TEP1: variants seen among roughly 807,000 people sequenced by gnomAD.
The protein encoded by TEP1 is telomerase protein component 1.
In TEP1, 241 loss-of-function variants were observed where a neutral mutation model predicts 306.3. That is an observed-to-expected ratio of 0.79 (90% CI 0.71 to 0.88). The LOEUF is 0.88. Among genes scored for constraint, TEP1 ranks in the 40% least tolerant of loss-of-function variants. The probability of loss-of-function intolerance (pLI) is 0.00; values close to 1 mark genes in which losing one functional copy is unlikely to be tolerated. For synonymous variants in TEP1, 1,289 were observed against 1,305.5 expected (o/e 0.99, Z 0.27); for missense variants, 3,051 against 3,276.1 (o/e 0.93, Z 1.68).
chr14:20,403,403 C>T lies in TEP1; in HGVS notation c.1240G>A (p.Gly414Arg). The change falls in exon 7 of 55, where the codon GGG becomes AGG. Residue 414 changes from glycine to arginine, a missense_variant. By Grantham distance (125) the Gly-to-Arg change is moderately radical. This residue lies in a region of TEP1 where 1,507 missense variants were observed against 1,550.5 expected (regional missense o/e 0.97). Coordinates refer to ENST00000262715, the MANE Select transcript of TEP1 (RefSeq NM_007110.5). ...TTTCTCTGCTCTTCTCTGAGAAACCCTATGTACCTTGGAAAACATCTGTGA... is the reference window on the plus strand; with the variant it reads ...TTTCTCTGCTCTTCTCTGAGAAACCTTATGTACCTTGGAAAACATCTGTGA... ...FSHRCFPRYI[G>R]FLREEQRKFE... 2 of 1,614,144 alleles carry T rather than the reference C, an allele frequency of 1.2e-6. No homozygotes were observed. The highest frequency in any genetic ancestry group is 1.7e-6 in the Non-Finnish European group (2 of 1,180,014).
rs1051809793 is a variant in TEP1, at chr14:20,373,272, G to A, written c.6812C>T (p.Ala2271Val). ...SVRLWQVPKE[A>V]DDTCIPRSSA... is the part of the protein sequence containing the mutation. ...GTCTCTCTCCAAGCCTCACTCACCT[G>A]CTTCCTTAGGAACCTGCCAGAGCCG... The change falls in exon 47 of 55, where the codon GCA becomes GTA. Residue 2271 changes from alanine to valine, a missense_variant and splice_region_variant. Ala to Val is a moderately conservative substitution (Grantham distance 64). Transcript: ENST00000262715. The A allele has an allele frequency of 6.2e-7, 1 of 1,613,982 alleles. No homozygotes were observed. The highest frequency in any genetic ancestry group is 1.7e-4 in the Middle Eastern group (1 of 6,060).
At chr14:20,371,681 C>T in intron 49 of TEP1, 49 bp from the exon 50 acceptor site, 1 of 1,511,566 alleles carries the variant, frequency 6.6e-7, no homozygotes, top group East Asian at 2.4e-5. Context: ...TTTAGTTAAC[C>T]TTTCTCAGGC....
intron 34 of TEP1, 83 bp from the exon 35 acceptor site, chr14:20,380,136 C>G (rs570986448): frequency 1.3e-6 from 2 of 1,580,854 alleles, no homozygotes; most frequent in South Asian, 2.4e-5. Context: ...GTGCCTGGAT[C>G]CCTCTCCAGT....
At chr14:20,384,931 G>A in intron 21 of TEP1, 54 bp downstream of exon 21, 1 of 1,612,268 alleles carries the variant, frequency 6.2e-7, no homozygotes, top group East Asian at 2.2e-5. Context: ...AGAGAAGACT[G>A]GCCTGTCTGG....
At position 20,373,750 on chromosome 14, in the gene TEP1, C is replaced by G. The variant is rs200202466; in HGVS notation, c.6532G>C (p.Val2178Leu). Residue 2178 changes from valine (V) to leucine (L), a missense_variant, in exon 45 of 55, where the codon GTG (valine) becomes CTG (leucine). Physicochemically the swap from Val to Leu is conservative, Grantham distance 32. Coordinates refer to ENST00000262715, the MANE Select transcript of TEP1 (RefSeq NM_007110.5). ...GTLKVWDHQG[V>L]ELTSIPAHSG... The stretch of plus-strand genomic sequence containing the variant: ...TGAGCAGGGATGCTGGTCAGCTCCA[C>G]GCCTTGATGGTCCCACACTTTCAAG... 1 of 1,614,192 alleles carries G rather than the reference C, an allele frequency of 6.2e-7. No homozygotes were observed. The highest frequency in any genetic ancestry group is 1.3e-5 in the African/African-American group (1 of 75,072).
Position 20,396,082 on chromosome 14 carries a change from G to A in TEP1, c.1660-133C>T, listed in dbSNP as rs991887958. 24 of 552,472 alleles carry A rather than the reference G, an allele frequency of 4.3e-5. 1 individual carries two copies. The highest frequency in any genetic ancestry group is 6.8e-5 in the Non-Finnish European group (21 of 309,918). 34.2% of individuals were successfully genotyped at this position (552,472 alleles called of 1,614,324 possible). A position where few individuals can be genotyped will look rare whatever the true frequency, so the allele number is the denominator to read the frequency against. Reference sequence around the variant, plus strand: ...ACTTAGACAAGAGATATAGAAAAGGGGTAATAAGAAGAAAGAAAAAAGTCA... The same window carrying A: ...ACTTAGACAAGAGATATAGAAAAGGAGTAATAAGAAGAAAGAAAAAAGTCA... On this transcript the variant is annotated intron_variant, in intron 10 of 54. Coordinates refer to ENST00000262715, the MANE Select transcript of TEP1 (RefSeq NM_007110.5).
rs373311646 is a variant in TEP1, at chr14:20,410,724, G to A, written c.-24-2261C>T. ...CAAAGTGCTGGGATTACAGGTGTGA[G>A]CCACTGTGCCTGGCGGACTCCTTTT... On this transcript the variant is annotated intron_variant, in intron 1 of 54. Transcript: ENST00000262715. Among the ~76,000 whole-genome samples, 13 of 148,790 alleles carry A rather than the reference G, an allele frequency of 8.7e-5. 1 individual carries two copies. The South Asian group carries it at 1.3e-3, about 15-fold the overall frequency.
chr14:20,401,090 C>A lies in TEP1; in HGVS notation c.1443G>T (p.Trp481Cys), dbSNP rs1379403997. The change falls in exon 9 of 55, where the codon TGG (tryptophan) becomes TGT (cysteine). Residue 481 changes from tryptophan to cysteine, a missense_variant. This residue lies in a region of TEP1 where 1,507 missense variants were observed against 1,550.5 expected (regional missense o/e 0.97). Transcript: ENST00000262715. The part of the protein sequence containing the change: ...LFSRSRLPGP[W>C]DSSRAGKRMK... ...TCCTCTTCCCAGCTCTGCTAGAATC[C>A]CAAGGCCCAGGAAGGCGACTTCGAG... 1 of 1,614,110 alleles carries A rather than the reference C, an allele frequency of 6.2e-7. No individual in the cohort carries two copies. Among genetic ancestry groups the A allele is most frequent in the Non-Finnish European group, 8.5e-7 (1 of 1,180,022 alleles).
rs570098132 is a variant in TEP1, at chr14:20,373,397, G to C, written c.6687C>G (p.Cys2229Trp). ...TGTGTCCCAGGAGGGTGTGGGTTTG[G>C]CACACCTAGGAGGAAGGGATGGAGA... is the stretch of plus-strand genomic sequence containing the variant. The part of the protein sequence containing the change: ...ATRLWHPLLV[C>W]QTHTLLGHSG... The change falls in exon 47 of 55, where the codon TGC becomes TGG. Residue 2229 changes from cysteine (C) to tryptophan (W), a missense_variant. Around this residue, in one of 3 missense-constraint regions of TEP1, gnomAD observed 1,540 missense variants for 1,705.9 expected, o/e 0.90. Coordinates refer to ENST00000262715, the MANE Select transcript of TEP1 (RefSeq NM_007110.5). 156 of 1,614,100 alleles carry C rather than the reference G, an allele frequency of 9.7e-5. 2 individuals carry two copies. Among genetic ancestry groups the C allele is most frequent in the South Asian group, 9.3e-4 (85 of 91,084 alleles).
rs1884512198 is a variant in TEP1 at position 20,367,099 on chromosome 14, C to T, written c.*1338G>A. The T allele has an allele frequency of 6.6e-6, 1 of 152,206 alleles. No individual in the cohort carries two copies. Among genetic ancestry groups the T allele is most frequent in the African/African-American group, 2.4e-5 (1 of 41,450 alleles). The allele number at this position is 152,206 out of a possible 1,614,324, so 9.4% of individuals were successfully genotyped here. The stretch of plus-strand genomic sequence containing the variant: ...CTTTTATGGGCCGGGCACAATGGCT[C>T]ACGCCTGTAATCCCAGAACTTTAAG... On this transcript the variant is annotated 3_prime_UTR_variant, in exon 55 of 55. Transcript: ENST00000262715.
chr14:20,406,800 TTC>T (rs761938046), intron 2 of TEP1, among the ~76,000 whole-genome samples: 5 of 152,250 alleles, frequency 3.3e-5, no homozygotes, highest in Admixed American at 6.5e-5. Flanking sequence ...AACCTCAGCT[TTC>T]TCTCATTCAC....
rs1884700392 is a variant in TEP1 at position 20,369,591 on chromosome 14, A to G, written c.7424-15T>C. The G allele has an allele frequency of 6.2e-7, 1 of 1,613,692 alleles. No homozygotes were observed. The highest frequency in any genetic ancestry group is 8.5e-7 in the Non-Finnish European group (1 of 1,179,794). The stretch of plus-strand genomic sequence containing the variant: ...AAATGAGGACTCTGCCATTTTAAGG[A>G]CAGAATTAGAGCCAAGTCTCAGGGA... On this transcript the variant is annotated splice_polypyrimidine_tract_variant and intron_variant, in intron 52 of 54. Coordinates refer to ENST00000262715, the MANE Select transcript of TEP1 (RefSeq NM_007110.5).
Position 20,408,343 on chromosome 14 carries a change from T to C in TEP1, c.97A>G (p.Lys33Glu). 21 of 1,611,966 alleles carry C rather than the reference T, an allele frequency of 1.3e-5. No individual in the cohort carries two copies. Among genetic ancestry groups the C allele is most frequent in the Non-Finnish European group, 1.8e-5 (21 of 1,179,708 alleles). ...TGGGTAGATACATGCTGATGTAGTT[T>C]CTCCAAGGGCTGTAAGTCAGGGAGC... ...AMLPDLQPLEKLHQHVSTHSD... is the reference protein window; with the variant it reads ...AMLPDLQPLEELHQHVSTHSD... Residue 33 changes from lysine to glutamate, a missense_variant, in exon 2 of 55, where the codon AAA (lysine) becomes GAA (glutamate). Around this residue, in one of 3 missense-constraint regions of TEP1, gnomAD observed 1,507 missense variants for 1,550.5 expected, o/e 0.97. Coordinates refer to ENST00000262715, the MANE Select transcript of TEP1 (RefSeq NM_007110.5).
At chr14:20,376,315 C>G (rs775277827) in intron 41 of TEP1, 51 bp from the exon 42 acceptor site, 15 of 1,584,382 alleles carry the variant, frequency 9.5e-6, no homozygotes, top group Admixed American at 7.1e-5. Context: ...GGAAGCCAGA[C>G]AGGCCCTGGG....
intron 1 of TEP1, among the ~76,000 whole-genome samples, chr14:20,409,428 C>T (rs1879453990): frequency 6.6e-6 from 1 of 152,230 alleles, no homozygotes; most frequent in South Asian, 2.1e-4. Context: ...GCTGGCGACT[C>T]ACAGATCTAT....
At position 20,383,520 on chromosome 14, in the gene TEP1, T is replaced by TCA; in HGVS notation, c.3833_3834dup (p.Ile1279Ter). Reference sequence around the variant, plus strand: ...AGCTTCTTTGGGATCCAGTCTGAAATCAGCTGCCCATTCTGGTCCACTAAC... The same window carrying TCA: ...AGCTTCTTTGGGATCCAGTCTGAAATCACAGCTGCCCATTCTGGTCCACTAAC... On this transcript the variant is annotated frameshift_variant, in exon 26 of 55. Coordinates refer to ENST00000262715, the MANE Select transcript of TEP1 (RefSeq NM_007110.5). LOFTEE classifies it high-confidence loss of function. The TCA allele has an allele frequency of 6.2e-7, 1 of 1,614,206 alleles. No homozygotes were observed. Among genetic ancestry groups the TCA allele is most frequent in the Non-Finnish European group, 8.5e-7 (1 of 1,180,032 alleles).
chr14:20,383,261 A>C lies in TEP1; in HGVS notation c.3960T>G (p.Pro1320=). Residue 1320 remains proline (P), a synonymous_variant, in exon 27 of 55, where the codon CCT becomes CCG. Coordinates refer to ENST00000262715, the MANE Select transcript of TEP1 (RefSeq NM_007110.5). ...GCCGGGCCCGAGCAGAGGCCTCCAG[A>C]GGCCCCAAGGCCAGCACGTGGGCAC... The part of the protein sequence containing the change: ...SQGAHVLALG[P]LEASARARLV... 1 of 1,613,914 alleles carries C rather than the reference A, an allele frequency of 6.2e-7. No homozygotes were observed. Among genetic ancestry groups the C allele is most frequent in the African/African-American group, 1.3e-5 (1 of 75,060 alleles).
intron 9 of TEP1, among the ~76,000 whole-genome samples, chr14:20,398,844 T>C (rs780208669): frequency 2.0e-5 from 3 of 152,188 alleles, no homozygotes; most frequent in African/African-American, 4.8e-5. Context: ...TAAGTCTTAT[T>C]TGAATTATAG....
chr14:20,386,236 G>T (rs1027365369), intron 19 of TEP1, 41 bp from the exon 20 acceptor site: 2 of 1,612,776 alleles, frequency 1.2e-6, no homozygotes, highest in African/African-American at 2.7e-5. Flanking sequence ...GTCACTGGGG[G>T]CATGGTATCA....
Sources: gnomAD v4.1 joint callset for allele counts (sites outside exome capture counted in the v4.1 genomes callset) on GRCh38, gnomAD v4.1.1 for gene constraint, gnomAD v4.1.1 regional missense constraint, MANE v1.5 for transcripts, NCBI Gene and HGNC (gene_info 2026-07-23, HGNC 2026-07-21) for gene names.